Variants in SAMD5 observed in about 807,000 individuals in gnomAD.
SAMD5 encodes sterile alpha motif domain containing 5.
A neutral mutation model predicts 11.3 loss-of-function variants in SAMD5; 13 were observed. The ratio of observed to expected loss-of-function variants is 1.15; its 90% CI spans 0.75 to 1.83. The LOEUF is 1.83. SAMD5 is among the 40% of genes most tolerant of loss of function. SAMD5 has a pLI of 0.00. For missense variants in SAMD5, 255 were observed against 239.1 expected, an observed-to-expected ratio of 1.07 and a Z score of -0.44; for synonymous variants, 129 against 111.3, an observed-to-expected ratio of 1.16 and a Z score of -1.00.
At chr6:147,530,122 A>G (rs1788405489) in intron 1 of SAMD5, among the ~76,000 whole-genome samples, 1 of 152,204 alleles carries the variant, frequency 6.6e-6, no homozygotes, top group African/African-American at 2.4e-5. Context: ...TAAACTCCAA[A>G]CAGAACTATC....
chr6:147,840,750 C>A, the SAMD5 span, among the ~76,000 whole-genome samples: 1 of 152,128 alleles, frequency 6.6e-6, no homozygotes, highest in Non-Finnish European at 1.5e-5. Context: ...ATACTTCTTT[C>A]AAATGATGTA....
the SAMD5 span, among the ~76,000 whole-genome samples, chr6:147,893,819 C>T: frequency 7.9e-5 from 12 of 152,104 alleles, no homozygotes; most frequent in African/African-American, 2.9e-4. Flanking sequence ...CATTTTTGTA[C>T]TCAGGTGGAG....
chr6:147,533,137 T>C (rs1030196529), intron 1 of SAMD5, among the ~76,000 whole-genome samples: 6 of 151,992 alleles, frequency 3.9e-5, no homozygotes, highest in African/African-American at 4.8e-5. Context: ...AGACCCAACA[T>C]AGGGGCCCAG....
the SAMD5 span, among the ~76,000 whole-genome samples, chr6:147,838,529 C>T: frequency 8.5e-6 from 1 of 117,956 alleles, no homozygotes; most frequent in African/African-American, 3.8e-5. Flanking sequence ...TAAGAATATC[C>T]TGCCCCCCCC....
intron 1 of SAMD5, among the ~76,000 whole-genome samples, chr6:147,624,644 T>C (rs1049888117): frequency 3.3e-5 from 5 of 152,166 alleles, no homozygotes; most frequent in Non-Finnish European, 7.3e-5. Context: ...TTGATGGGCA[T>C]TTGGGCTGGT....
chr6:147,937,436 C>T, the SAMD5 span, among the ~76,000 whole-genome samples: 2 of 152,152 alleles, frequency 1.3e-5, no homozygotes, highest in African/African-American at 4.8e-5. Flanking sequence ...ATTGGTTGAC[C>T]AGTAAGTACC....
chr6:147,689,226 G>A (rs1234965617), intron 1 of SAMD5, among the ~76,000 whole-genome samples: 9 of 152,336 alleles, frequency 5.9e-5, no homozygotes, highest in East Asian at 1.9e-4. Context: ...GCAAGAGAGT[G>A]CAGCCAAGGT....
chr6:147,801,808 A>C, the SAMD5 span, among the ~76,000 whole-genome samples: 3 of 152,230 alleles, frequency 2.0e-5, no homozygotes, highest in African/African-American at 7.2e-5. Context: ...AGACCCACGC[A>C]CATATGGTCA....
chr6:147,525,201 G>C (rs1788318199), intron 1 of SAMD5, among the ~76,000 whole-genome samples: 1 of 150,310 alleles, frequency 6.7e-6, no homozygotes. Flanking sequence ...AACTTATTGT[G>C]GCAATAACTG....
At chr6:147,517,645 AGTGTTGCTGTTTCT>A (rs994323021) in intron 1 of SAMD5, among the ~76,000 whole-genome samples, 41 of 152,220 alleles carry the variant, frequency 2.7e-4, no homozygotes, top group African/African-American at 9.7e-4. Context: ...GGAAGATCAC[AGTGTTGCTGTTTCT>A]GTGTTGCTGT....
intron 1 of SAMD5, among the ~76,000 whole-genome samples, chr6:147,629,363 T>C (rs945909139): frequency 1.2e-4 from 18 of 152,070 alleles, no homozygotes; most frequent in African/African-American, 4.3e-4. Flanking sequence ...AATATTAATG[T>C]ATTGGAAGGC....
chr6:147,676,256 C>T (rs1249120361), intron 1 of SAMD5: 3 of 152,112 alleles, frequency 2.0e-5, no homozygotes, highest in Non-Finnish European at 2.9e-5. Context: ...AGAAGTCTCT[C>T]ACCTCACAGA....
chr6:147,586,888 A>G (rs1043525125), intron 1 of SAMD5, among the ~76,000 whole-genome samples: 13 of 152,240 alleles, frequency 8.5e-5, no homozygotes, highest in Middle Eastern at 3.4e-3. Flanking sequence ...CAGAATTATG[A>G]GAACTAATAA....
At chr6:147,554,799 G>A (rs1313571748) in intron 1 of SAMD5, among the ~76,000 whole-genome samples, 7 of 152,158 alleles carry the variant, frequency 4.6e-5, no homozygotes, top group Non-Finnish European at 1.0e-4. Flanking sequence ...TTGGTTGGAC[G>A]CTTGATGCTG....
the SAMD5 span, among the ~76,000 whole-genome samples, chr6:147,933,983 G>A: frequency 1.3e-5 from 2 of 152,146 alleles, 1 homozygote; most frequent in South Asian, 4.1e-4. Flanking sequence ...ATTGCCATGG[G>A]TGTGCCCCTG....
At chr6:147,556,973 C>T (rs1158443229) in intron 1 of SAMD5, among the ~76,000 whole-genome samples, 28 of 152,122 alleles carry the variant, frequency 1.8e-4, no homozygotes, top group Admixed American at 1.8e-3. Flanking sequence ...AAAAGAAAAA[C>T]AGTAGTTCTG....
the SAMD5 span, among the ~76,000 whole-genome samples, chr6:147,924,165 A>T: frequency 5.9e-5 from 9 of 152,142 alleles, no homozygotes; most frequent in South Asian, 2.1e-4. Flanking sequence ...AATGGGGGGA[A>T]AAGAGTTTGC....
the SAMD5 span, among the ~76,000 whole-genome samples, chr6:147,951,980 G>T: frequency 8.5e-5 from 13 of 152,144 alleles, no homozygotes; most frequent in Non-Finnish European, 1.5e-4. Flanking sequence ...TAACAATCGA[G>T]AAATCTTTCC....
chr6:147,898,732 T>C, the SAMD5 span, among the ~76,000 whole-genome samples: 3 of 152,172 alleles, frequency 2.0e-5, no homozygotes, highest in Non-Finnish European at 2.9e-5. Flanking sequence ...TATAATCATA[T>C]AGTATTATCA....
Sources: gnomAD v4.1 joint callset for allele counts (sites outside exome capture counted in the v4.1 genomes callset) on GRCh38, gnomAD v4.1.1 for gene constraint, MANE v1.5 for transcripts, NCBI Gene and HGNC (gene_info 2026-07-23, HGNC 2026-07-21) for gene names.